Variants in CNTNAP2 observed in about 807,000 individuals in gnomAD.
The protein encoded by CNTNAP2 is contactin associated protein 2.
In CNTNAP2, 98 loss-of-function variants were observed where a neutral mutation model predicts 155.2. The ratio of observed to expected loss-of-function variants is 0.63; its 90% confidence interval spans 0.54 to 0.75. The LOEUF (loss-of-function observed/expected upper bound fraction) is 0.75. Among genes scored for constraint, CNTNAP2 ranks in the 30% least tolerant of loss-of-function variants. CNTNAP2 has a pLI of 0.00. For synonymous variants in CNTNAP2, 651 were observed against 631.2 expected (o/e 1.03, Z -0.47); for missense variants, 1,727 against 1,688.1 (o/e 1.02, Z -0.40).
At chr7:146,308,355 T>C (rs879407545) in intron 1 of CNTNAP2, among the ~76,000 whole-genome samples, 2 of 152,194 alleles carry the variant, frequency 1.3e-5, no homozygotes, top group South Asian at 2.1e-4. Context: ...TGTGGAGAAA[T>C]AGAAATGCTT....
chr7:146,403,297 C>T (rs1795740900), intron 1 of CNTNAP2, among the ~76,000 whole-genome samples: 1 of 152,054 alleles, frequency 6.6e-6, no homozygotes, highest in Non-Finnish European at 1.5e-5. Context: ...CTATCATATT[C>T]GGATGACATA....
chr7:147,982,453 G>A (rs1406685164), intron 15 of CNTNAP2, among the ~76,000 whole-genome samples: 2 of 152,174 alleles, frequency 1.3e-5, no homozygotes, highest in Non-Finnish European at 2.9e-5. Context: ...GGATTAAGAT[G>A]CAAATTCAGT....
chr7:148,383,132 G>C lies in CNTNAP2; in HGVS notation c.3476-517G>C, dbSNP rs1015101345. Among the ~76,000 whole-genome samples the C allele has an allele frequency of 3.3e-5, 5 of 152,138 alleles. No homozygotes were observed. The South Asian group carries it at 1.0e-3, about 32-fold the overall frequency. The stretch of plus-strand genomic sequence containing the variant: ...ATTCTGTAAATCTCAGAATTCCAAG[G>C]GGATTGGATTTTGAAGAAAGGAGAT... On this transcript the variant is annotated intron_variant, in intron 21 of 23. Transcript: ENST00000361727.
chr7:146,445,396 T>G, intron 1 of CNTNAP2, among the ~76,000 whole-genome samples: 1 of 152,198 alleles, frequency 6.6e-6, no homozygotes, highest in East Asian at 1.9e-4. Flanking sequence ...TCTTATGACA[T>G]GATACCATTC....
chr7:147,851,628 G>T lies in CNTNAP2; in HGVS notation c.2099-51937G>T, dbSNP rs570602577. Reference sequence around the variant, plus strand: ...CCTTTGCAGGGCCATGGAGAAGCTGGAAACCATCATTCTCAGCAAACTATC... The same window carrying T: ...CCTTTGCAGGGCCATGGAGAAGCTGTAAACCATCATTCTCAGCAAACTATC... On this transcript the variant is annotated intron_variant, in intron 13 of 23. Coordinates refer to ENST00000361727, the MANE Select transcript of CNTNAP2 (RefSeq NM_014141.6). Among the ~76,000 whole-genome samples, 40 of 152,176 alleles carry T rather than the reference G, an allele frequency of 2.6e-4. 2 individuals are homozygous for T. In the South Asian group the frequency reaches 7.7e-3, roughly 29 times the overall value.
chr7:147,729,770 T>C (rs1265189515), intron 13 of CNTNAP2, among the ~76,000 whole-genome samples: 5 of 152,054 alleles, frequency 3.3e-5, no homozygotes, highest in Non-Finnish European at 7.4e-5. Context: ...CCACTGAATG[T>C]TTTTAAATGG....
At chr7:148,279,275 T>C (rs887809050) in intron 21 of CNTNAP2, among the ~76,000 whole-genome samples, 1 of 152,170 alleles carries the variant, frequency 6.6e-6, no homozygotes, top group Non-Finnish European at 1.5e-5. Flanking sequence ...AATACAGTTG[T>C]GGAGTCCATG....
At chr7:146,162,977 G>A (rs1475917220) in intron 1 of CNTNAP2, among the ~76,000 whole-genome samples, 2 of 152,008 alleles carry the variant, frequency 1.3e-5, no homozygotes, top group Non-Finnish European at 2.9e-5. Context: ...TGGACACAGG[G>A]TGGGGAACAT....
chr7:148,254,364 C>A (rs1399240474), intron 20 of CNTNAP2, among the ~76,000 whole-genome samples: 1 of 152,136 alleles, frequency 6.6e-6, no homozygotes, highest in Non-Finnish European at 1.5e-5. Flanking sequence ...ACGTGCTCAA[C>A]AATTCAAGAT....
intron 13 of CNTNAP2, among the ~76,000 whole-genome samples, chr7:147,842,557 C>CTTTTT (rs1171642244): frequency 1.0e-4 from 9 of 87,552 alleles, no homozygotes; most frequent in Non-Finnish European, 2.0e-4. Context: ...AGTTGCATTT[C>CTTTTT]TTTTTTTTTT....
chr7:147,975,330 G>A (rs1428347402), intron 14 of CNTNAP2, among the ~76,000 whole-genome samples: 1 of 151,938 alleles, frequency 6.6e-6, no homozygotes, highest in Non-Finnish European at 1.5e-5. Flanking sequence ...CATGGGGGGT[G>A]CTTCTAGGGT....
intron 1 of CNTNAP2, among the ~76,000 whole-genome samples, chr7:146,235,952 A>ATG (rs34046295): frequency 0.14 from 20,543 of 149,402 alleles, 1,913 homozygotes; most frequent in African/African-American, 0.27. Context: ...ACATATGGAA[A>ATG]TGTGTGTGTG....
At chr7:146,484,431 G>C (rs1276365028) in intron 1 of CNTNAP2, among the ~76,000 whole-genome samples, 3 of 152,116 alleles carry the variant, frequency 2.0e-5, no homozygotes, top group Non-Finnish European at 4.4e-5. Context: ...TAGCATTCAG[G>C]ATCTACCTCC....
At chr7:146,771,863 T>C (rs893666166) in intron 1 of CNTNAP2, among the ~76,000 whole-genome samples, 9 of 152,180 alleles carry the variant, frequency 5.9e-5, no homozygotes, top group African/African-American at 9.6e-5. Context: ...TTTTTGAATA[T>C]ATAGAGAAAC....
intron 1 of CNTNAP2, among the ~76,000 whole-genome samples, chr7:146,531,105 G>A (rs946060127): frequency 2.6e-5 from 4 of 152,134 alleles, no homozygotes; most frequent in South Asian, 2.1e-4. Context: ...TGTCCTAAGC[G>A]AATTGACACA....
chr7:146,352,915 C>A (rs1283239704), intron 1 of CNTNAP2, among the ~76,000 whole-genome samples: 4 of 151,426 alleles, frequency 2.6e-5, no homozygotes, highest in Non-Finnish European at 4.4e-5. Flanking sequence ...CCACCACGCC[C>A]GGCTAATTTT....
rs188235918 is a variant in CNTNAP2, at chr7:147,258,709, C to A, written c.1349-41432C>A. 2.2e-4 allele frequency among the ~76,000 whole-genome samples: 33 copies of A among 152,212 alleles called. 1 individual carries two copies. Among genetic ancestry groups the A allele is most frequent in the African/African-American group, 7.7e-4 (32 of 41,544 alleles). ...CAATGTAAACTCTGTTTTGTTGATG[C>A]GGAAACTGAGGCCTGGAGAGTTAAG... is the stretch of plus-strand genomic sequence containing the variant. On this transcript the variant is annotated intron_variant, in intron 8 of 23. Transcript: ENST00000361727.
At chr7:146,256,562 A>G (rs376575505) in intron 1 of CNTNAP2, among the ~76,000 whole-genome samples, 8 of 152,144 alleles carry the variant, frequency 5.3e-5, no homozygotes, top group East Asian at 3.9e-4. Context: ...AATACATTTT[A>G]GAATGATAAT....
At chr7:147,825,207 G>A (rs1274207409) in intron 13 of CNTNAP2, among the ~76,000 whole-genome samples, 1 of 152,146 alleles carries the variant, frequency 6.6e-6, no homozygotes, top group Non-Finnish European at 1.5e-5. Context: ...AAAATTGAAA[G>A]AGGCAAACAA....
Sources: gnomAD v4.1 joint callset for allele counts (sites outside exome capture counted in the v4.1 genomes callset) on GRCh38, gnomAD v4.1.1 for gene constraint, MANE v1.5 for transcripts, NCBI Gene and HGNC (gene_info 2026-07-23, HGNC 2026-07-21) for gene names.